Variants in ETS1 observed in about 807,000 individuals in gnomAD.
ETS1 encodes the protein ETS proto-oncogene 1, transcription factor.
Under a neutral mutation model 58.6 loss-of-function variants are expected in ETS1, and 15 were observed. That is an observed-to-expected ratio of 0.26 (90% CI 0.17 to 0.39). ETS1 has a LOEUF of 0.39. Among genes scored for constraint, ETS1 ranks in the 10% least tolerant of loss-of-function variants. The pLI is 1.00. For synonymous variants in ETS1, 214 were observed against 218.2 expected (o/e 0.98, Z 0.17); for missense variants, 417 against 610.5 (o/e 0.68, Z 3.34).
intron 3 of ETS1, among the ~76,000 whole-genome samples, chr11:128,493,620 A>T (rs1362558901): frequency 6.6e-6 from 1 of 152,238 alleles, no homozygotes; most frequent in Non-Finnish European, 1.5e-5. Flanking sequence ...TCAGCTCCAG[A>T]GAAGGCACAG....
intron 1 of ETS1, among the ~76,000 whole-genome samples, chr11:128,574,652 G>A (rs144977678): frequency 0.013 from 1,994 of 152,266 alleles, 23 homozygotes; most frequent in Non-Finnish European, 0.02. Flanking sequence ...TGCATGTCAC[G>A]TGGTTTAGAT....
At chr11:128,513,246 G>A (rs1463027655) in intron 3 of ETS1, among the ~76,000 whole-genome samples, 1 of 152,146 alleles carries the variant, frequency 6.6e-6, no homozygotes, top group African/African-American at 2.4e-5. Flanking sequence ...TTGAATGGCA[G>A]TCTACACTCT....
intron 3 of ETS1, among the ~76,000 whole-genome samples, chr11:128,534,005 A>G (rs1341251410): frequency 2.0e-5 from 3 of 152,372 alleles, no homozygotes; most frequent in East Asian, 1.9e-4. Flanking sequence ...CAGCTTCGCT[A>G]CAGATGGTCT....
At position 128,489,386 on chromosome 11, in the gene ETS1, C is replaced by T; in HGVS notation, c.439G>A (p.Ala147Thr). The T allele has an allele frequency of 6.2e-7, 1 of 1,614,186 alleles. No homozygotes were observed. The highest frequency in any genetic ancestry group is 1.1e-5 in the South Asian group (1 of 91,086). The change falls in exon 5 of 10, where the codon GCA becomes ACA. Residue 147 changes from alanine (A) to threonine (T), a missense_variant. Ala to Thr is a moderately conservative substitution (Grantham distance 58). Transcript: ENST00000392668. ...VDFQKFCMNG[A>T]ALCALGKDCF... is the part of the protein sequence containing the mutation. Reference sequence around the variant, plus strand: ...TCTTTACCCAGGGCGCAGAGGGCTGCTCCATTCATACAGAACTTCTGGAAG... The same window carrying T: ...TCTTTACCCAGGGCGCAGAGGGCTGTTCCATTCATACAGAACTTCTGGAAG...
At chr11:128,546,068 C>T (rs530528121) in intron 3 of ETS1, among the ~76,000 whole-genome samples, 5 of 152,306 alleles carry the variant, frequency 3.3e-5, no homozygotes, top group South Asian at 2.1e-4. Flanking sequence ...TTCACCAGGA[C>T]GCAAGCTCTA....
chr11:128,583,781 G>T (rs1864921861), intron 1 of ETS1, among the ~76,000 whole-genome samples: 1 of 151,790 alleles, frequency 6.6e-6, no homozygotes, highest in Non-Finnish European at 1.5e-5. Flanking sequence ...CTAAATGTTT[G>T]TTGCTTACTC....
chr11:128,541,615 T>C (rs1225221081), intron 3 of ETS1, among the ~76,000 whole-genome samples: 1 of 152,210 alleles, frequency 6.6e-6, no homozygotes, highest in African/African-American at 2.4e-5. Context: ...TTTTGTTTTG[T>C]TTTAATTTTT....
intron 3 of ETS1, among the ~76,000 whole-genome samples, chr11:128,511,701 G>A (rs191534712): frequency 7.9e-5 from 12 of 152,288 alleles, no homozygotes; most frequent in South Asian, 2.1e-4. Context: ...TCAAGCTAAC[G>A]TTTATTAATA....
intron 3 of ETS1, chr11:128,529,033 C>T (rs1229451793): frequency 1.3e-5 from 2 of 152,214 alleles, no homozygotes; most frequent in African/African-American, 4.8e-5. Flanking sequence ...AAGCAGTCTT[C>T]AGGAATTTCC....
chr11:128,486,769 T>A (rs1862644086), intron 5 of ETS1, among the ~76,000 whole-genome samples: 1 of 152,124 alleles, frequency 6.6e-6, no homozygotes, highest in Admixed American at 6.5e-5. Context: ...CCTGCCCAGA[T>A]GCCAACTCCC....
intron 5 of ETS1, 69 bp from the exon 6 acceptor site, chr11:128,486,215 T>A: frequency 1.0e-6 from 1 of 971,828 alleles, no homozygotes; most frequent in Non-Finnish European, 1.6e-6. Flanking sequence ...AAAAGGATCT[T>A]GGATGCAAAG....
intron 3 of ETS1, among the ~76,000 whole-genome samples, chr11:128,499,119 T>C (rs1182213170): frequency 6.6e-6 from 1 of 152,210 alleles, no homozygotes; most frequent in Non-Finnish European, 1.5e-5. Context: ...AAAATTCTCA[T>C]GACAGGATCA....
intron 3 of ETS1, among the ~76,000 whole-genome samples, chr11:128,553,220 G>A (rs952339221): frequency 5.9e-5 from 9 of 152,322 alleles, no homozygotes; most frequent in Non-Finnish European, 1.2e-4. Flanking sequence ...ATAGGGAGGA[G>A]GGGGAAGAGG....
rs1251263321 is a variant in ETS1, at chr11:128,459,522, A to G, written c.*2839T>C. The G allele has an allele frequency of 6.5e-6, 1 of 152,816 alleles. No individual in the cohort carries two copies. The highest frequency in any genetic ancestry group is 1.5e-5 in the Non-Finnish European group (1 of 68,034). 9.5% of individuals were successfully genotyped at this position (152,816 alleles called of 1,614,324 possible). ...GGGAACAAAAGTGACTCTGAACCCTAAAGCCAAAACCAACAAAGGTTAAGG... is the reference window on the plus strand; with the variant it reads ...GGGAACAAAAGTGACTCTGAACCCTGAAGCCAAAACCAACAAAGGTTAAGG... On this transcript the variant is annotated 3_prime_UTR_variant, in exon 10 of 10. Coordinates refer to ENST00000392668, the MANE Select transcript of ETS1 (RefSeq NM_001143820.2).
At chr11:128,516,188 T>C (rs1379839578) in intron 3 of ETS1, among the ~76,000 whole-genome samples, 3 of 152,198 alleles carry the variant, frequency 2.0e-5, no homozygotes, top group African/African-American at 4.8e-5. Context: ...GTTTATGCAA[T>C]TTGGAAAACA....
chr11:128,474,796 C>T (rs1000511376), intron 8 of ETS1, among the ~76,000 whole-genome samples: 1 of 152,216 alleles, frequency 6.6e-6, no homozygotes, highest in Admixed American at 6.5e-5. Context: ...TAGTTAATCA[C>T]AACAGCCTCT....
chr11:128,462,870 C>A (rs930488667), intron 9 of ETS1, among the ~76,000 whole-genome samples: 1 of 152,218 alleles, frequency 6.6e-6, no homozygotes, highest in Non-Finnish European at 1.5e-5. Context: ...AAAAGCCACA[C>A]TATACATTCT....
chr11:128,578,742 C>A (rs1469071795), intron 1 of ETS1, among the ~76,000 whole-genome samples: 1 of 152,062 alleles, frequency 6.6e-6, no homozygotes, highest in Non-Finnish European at 1.5e-5. Context: ...CTTTTGTAAC[C>A]TGCTTTGTTC....
chr11:128,526,128 T>G (rs1863796624), intron 3 of ETS1: 1 of 105,550 alleles, frequency 9.5e-6, no homozygotes, highest in Admixed American at 1.5e-4. Context: ...ACAATGAGGG[T>G]AGGAGGAGCT....
Sources: allele counts gnomAD v4.1 joint callset (sites outside exome capture counted in the v4.1 genomes callset), GRCh38; gene constraint gnomAD v4.1.1; transcripts MANE v1.5; gene names NCBI Gene and HGNC (gene_info 2026-07-23, HGNC 2026-07-21).